Variants in ATF2 observed in about 807,000 individuals in gnomAD.
The protein encoded by ATF2 is activating transcription factor 2.
Under a neutral mutation model 60.6 loss-of-function variants are expected in ATF2, and 24 were observed. The observed-to-expected ratio is 0.40, with a 90% CI of 0.29 to 0.56. The LOEUF is 0.56. Ranked by LOEUF, ATF2 falls within the 20% of genes least tolerant of loss-of-function variation. The pLI, the probability that ATF2 is intolerant of heterozygous loss-of-function variation, is 0.54. For missense variants in ATF2, 433 were observed against 607.7 expected, an observed-to-expected ratio of 0.71 and a Z score of 3.02; for synonymous variants, 206 against 215.4, an observed-to-expected ratio of 0.96 and a Z score of 0.38.
chr2:175,093,376 T>G, intron 11 of ATF2, 109 bp from the exon 12 acceptor site: 1 of 1,066,558 alleles, frequency 9.4e-7, no homozygotes, highest in South Asian at 1.5e-5. Context: ...CTAAGTCTTG[T>G]TGAATACATC....
intron 13 of ATF2, among the ~76,000 whole-genome samples, chr2:175,079,304 C>T (rs1693595046): frequency 6.6e-6 from 1 of 152,054 alleles, no homozygotes; most frequent in Non-Finnish European, 1.5e-5. Context: ...TTTTATAAAA[C>T]AATTTATTTC....
At chr2:175,093,026 A>C (rs749684268) in intron 12 of ATF2, 35 bp downstream of exon 12, 70 of 1,584,216 alleles carry the variant, frequency 4.4e-5, no homozygotes, top group Non-Finnish European at 5.9e-5. Context: ...TTATTAAAAA[A>C]GAAATAAAAC....
intron 10 of ATF2, among the ~76,000 whole-genome samples, chr2:175,099,121 T>C (rs1050442184): frequency 5.3e-5 from 8 of 150,696 alleles, no homozygotes; most frequent in Non-Finnish European, 7.4e-5. Context: ...TTTTTTTTTT[T>C]CAAGAGGGAG....
intron 5 of ATF2, among the ~76,000 whole-genome samples, chr2:175,118,868 G>T (rs981214243): frequency 6.6e-6 from 1 of 150,800 alleles, no homozygotes; most frequent in African/African-American, 2.4e-5. Flanking sequence ...AATATTGTAA[G>T]AAAGAAAAAA....
intron 2 of ATF2, among the ~76,000 whole-genome samples, chr2:175,144,159 C>A (rs1394297435): frequency 6.6e-6 from 1 of 152,086 alleles, no homozygotes; most frequent in Non-Finnish European, 1.5e-5. Flanking sequence ...AGAATATAGG[C>A]TTTTTCTTAT....
intron 11 of ATF2, among the ~76,000 whole-genome samples, chr2:175,094,974 A>G (rs1159808367): frequency 6.6e-6 from 1 of 152,214 alleles, no homozygotes; most frequent in Admixed American, 6.5e-5. Flanking sequence ...AATAAAGATT[A>G]AGCATTTAAA....
intron 1 of ATF2, 167 bp downstream of exon 1, chr2:175,167,883 C>T: frequency 2.3e-5 from 9 of 390,728 alleles, no homozygotes; most frequent in South Asian, 1.7e-4. Flanking sequence ...GCCGAGGTGG[C>T]AGCACAGCCA....
intron 1 of ATF2, among the ~76,000 whole-genome samples, chr2:175,159,300 C>T (rs1186534058): frequency 6.7e-6 from 1 of 149,624 alleles, no homozygotes; most frequent in Non-Finnish European, 1.5e-5. Context: ...GCCTGCGCGA[C>T]AGAGCAAGAC....
chr2:175,125,746 T>C (rs892560077), intron 4 of ATF2, among the ~76,000 whole-genome samples: 1 of 152,116 alleles, frequency 6.6e-6, no homozygotes, highest in Non-Finnish European at 1.5e-5. Flanking sequence ...TTTCGATTAA[T>C]ACACAAAATG....
intron 4 of ATF2, among the ~76,000 whole-genome samples, chr2:175,128,897 G>A (rs1697536679): frequency 7.7e-6 from 1 of 129,668 alleles, no homozygotes; most frequent in African/African-American, 2.7e-5. Context: ...CAAAATGTAA[G>A]GGATACAAAT....
chr2:175,084,643 A>T (rs1015897442), intron 12 of ATF2, among the ~76,000 whole-genome samples: 4 of 133,374 alleles, frequency 3.0e-5, no homozygotes, highest in East Asian at 2.0e-4. Context: ...TTAAAGTATA[A>T]AAAAAAAAAA....
intron 10 of ATF2, among the ~76,000 whole-genome samples, chr2:175,102,549 C>T (rs986223219): frequency 6.6e-6 from 1 of 152,022 alleles, no homozygotes; most frequent in Non-Finnish European, 1.5e-5. Context: ...AGGCAGGACT[C>T]CTTGAGCCCA....
intron 3 of ATF2, among the ~76,000 whole-genome samples, chr2:175,134,302 A>G (rs947385788): frequency 1.3e-5 from 2 of 152,192 alleles, no homozygotes; most frequent in African/African-American, 4.8e-5. Flanking sequence ...ACGATTTTAT[A>G]TAAGTAACTG....
intron 1 of ATF2, among the ~76,000 whole-genome samples, chr2:175,161,707 T>A (rs1038185044): frequency 4.6e-5 from 7 of 152,084 alleles, no homozygotes; most frequent in Non-Finnish European, 1.0e-4. Context: ...TCTTAATAAA[T>A]CATAATGACA....
At chr2:175,157,975 G>C (rs925268770) in intron 1 of ATF2, among the ~76,000 whole-genome samples, 1 of 151,568 alleles carries the variant, frequency 6.6e-6, no homozygotes, top group Non-Finnish European at 1.5e-5. Context: ...CTGGGTGACA[G>C]AGTGAGACTC....
intron 12 of ATF2, among the ~76,000 whole-genome samples, chr2:175,086,321 G>C (rs1298817947): frequency 1.3e-5 from 2 of 152,128 alleles, no homozygotes; most frequent in Non-Finnish European, 2.9e-5. Context: ...ACAATTACTG[G>C]CTAGGAATTG....
chr2:175,094,943 A>G (rs889123375), intron 11 of ATF2, among the ~76,000 whole-genome samples: 2 of 152,188 alleles, frequency 1.3e-5, no homozygotes, highest in Non-Finnish European at 2.9e-5. Flanking sequence ...TCCCGTCTCA[A>G]AAAAGAAATA....
intron 1 of ATF2, among the ~76,000 whole-genome samples, chr2:175,156,061 G>A (rs1699659053): frequency 6.6e-6 from 1 of 152,072 alleles, no homozygotes; most frequent in African/African-American, 2.4e-5. Context: ...AAGGAACAGT[G>A]CAGATGTAAA....
At chr2:175,098,675 T>C (rs1266052141) in intron 10 of ATF2, among the ~76,000 whole-genome samples, 1 of 152,190 alleles carries the variant, frequency 6.6e-6, no homozygotes, top group Non-Finnish European at 1.5e-5. Flanking sequence ...AATCTTTTCC[T>C]TTCTTCCTTC....
Sources: allele counts gnomAD v4.1 joint callset (sites outside exome capture counted in the v4.1 genomes callset), GRCh38; gene constraint gnomAD v4.1.1; transcripts MANE v1.5; gene names NCBI Gene and HGNC (gene_info 2026-07-23, HGNC 2026-07-21).